GRIK2: variants seen among roughly 807,000 people sequenced by gnomAD.
The protein encoded by GRIK2 is glutamate ionotropic receptor kainate type subunit 2.
A neutral mutation model predicts 100.3 loss-of-function variants in GRIK2; 32 were observed. The observed-to-expected ratio is 0.32, with a 90% CI of 0.24 to 0.43. The LOEUF (loss-of-function observed/expected upper bound fraction) is 0.43, where lower values mean the gene tolerates loss of function less well. Among genes scored for constraint, GRIK2 ranks in the 20% least tolerant of loss-of-function variants. GRIK2 has a pLI of 1.00. For missense variants in GRIK2, 843 were observed against 1,114.9 expected (o/e 0.76, Z 3.47); for synonymous variants, 417 against 389.4 (o/e 1.07, Z -0.83).
At chr6:101,687,404 A>C (rs1344991080) in intron 7 of GRIK2, among the ~76,000 whole-genome samples, 2 of 151,980 alleles carry the variant, frequency 1.3e-5, no homozygotes, top group Non-Finnish European at 2.9e-5. Flanking sequence ...GCTTTTAATG[A>C]GTATTAGTCT....
At chr6:101,816,783 T>A (rs1781659607) in intron 9 of GRIK2, among the ~76,000 whole-genome samples, 1 of 152,092 alleles carries the variant, frequency 6.6e-6, no homozygotes, top group East Asian at 1.9e-4. Context: ...CCCTCCATCC[T>A]TCCCTACCCA....
rs538294459 is a variant in GRIK2 at position 101,502,682 on chromosome 6, T to C, written c.115+103290T>C. 4.6e-5 allele frequency among the ~76,000 whole-genome samples: 7 copies of C among 152,308 alleles called. No individual in the cohort carries two copies. The South Asian group carries it at 1.2e-3, about 27-fold the overall frequency. On this transcript the variant is annotated intron_variant, in intron 2 of 16. Transcript: ENST00000369134. ...AAAGTGATTCCTTTTGGGAAGAGAT[T>C]GATAGGATATCTAGCTGTCAGGTAT...
At chr6:101,729,207 G>T (rs1299818723) in intron 7 of GRIK2, among the ~76,000 whole-genome samples, 1 of 152,010 alleles carries the variant, frequency 6.6e-6, no homozygotes, top group Non-Finnish European at 1.5e-5. Context: ...GCTCATTAAA[G>T]TAAAAACCAT....
chr6:101,781,266 C>T (rs1779076279), intron 7 of GRIK2, among the ~76,000 whole-genome samples: 1 of 152,098 alleles, frequency 6.6e-6, no homozygotes, highest in African/African-American at 2.4e-5. Flanking sequence ...CATTATGAAC[C>T]TCTGAAAGGA....
At chr6:101,864,833 TA>T (rs935252997) in intron 11 of GRIK2, among the ~76,000 whole-genome samples, 48 of 152,300 alleles carry the variant, frequency 3.2e-4, no homozygotes, top group Non-Finnish European at 5.9e-4. Context: ...AAGGGGCATT[TA>T]AAAACAGATT....
chr6:101,617,111 T>C lies in GRIK2; in HGVS notation c.116-4838T>C, dbSNP rs532200845. On this transcript the variant is annotated intron_variant, in intron 2 of 16. Transcript: ENST00000369134. ...ATTGCCTTTATTTTTACTGCTTGTG[T>C]TTTCAAACTTAGAAAGGCCTTAGCA... 2.6e-4 allele frequency among the ~76,000 whole-genome samples: 39 copies of C among 151,844 alleles called. No homozygotes were observed. The East Asian group carries it at 4.5e-3, about 17-fold the overall frequency.
At chr6:101,984,024 CACAG>C (rs1225166474) in intron 14 of GRIK2, among the ~76,000 whole-genome samples, 1 of 151,710 alleles carries the variant, frequency 6.6e-6, no homozygotes, top group African/African-American at 2.4e-5. Context: ...TAAGTAATTT[CACAG>C]ACAGAACAAA....
chr6:101,773,120 A>G (rs1778507786), intron 7 of GRIK2, among the ~76,000 whole-genome samples: 1 of 152,190 alleles, frequency 6.6e-6, no homozygotes, highest in Non-Finnish European at 1.5e-5. Context: ...GCATTTCCTC[A>G]TGGCAATAAA....
chr6:101,532,397 A>G (rs1775484165), intron 2 of GRIK2, among the ~76,000 whole-genome samples: 1 of 151,978 alleles, frequency 6.6e-6, no homozygotes, highest in African/African-American at 2.4e-5. Flanking sequence ...TTGCATGTAC[A>G]TGCCTGTGGA....
intron 7 of GRIK2, among the ~76,000 whole-genome samples, chr6:101,737,750 C>A (rs1176952627): frequency 6.6e-6 from 1 of 152,124 alleles, no homozygotes; most frequent in Non-Finnish European, 1.5e-5. Flanking sequence ...AGCGTTTCAA[C>A]TTTTATTGCT....
intron 14 of GRIK2, among the ~76,000 whole-genome samples, chr6:102,011,555 TCTTTTTTTTTTCTTTCTTTTC>T (rs1287598424): frequency 6.7e-6 from 1 of 149,558 alleles, no homozygotes; most frequent in South Asian, 2.1e-4. Flanking sequence ...ATGAGTTATT[TCTTTTTTTTTTCTTTCTTTTC>T]CTTTTTTTTT....
intron 14 of GRIK2, among the ~76,000 whole-genome samples, chr6:101,935,932 T>G (rs1463501557): frequency 6.6e-6 from 1 of 152,044 alleles, no homozygotes; most frequent in Non-Finnish European, 1.5e-5. Context: ...ATACTTAGGC[T>G]TCTAAGCCAA....
At chr6:101,611,779 G>A in intron 2 of GRIK2, among the ~76,000 whole-genome samples, 1 of 151,714 alleles carries the variant, frequency 6.6e-6, no homozygotes, top group East Asian at 1.9e-4. Context: ...CACCTTTTGG[G>A]AAGCTGTCAC....
At chr6:101,576,040 TATA>T (rs1039449311) in intron 2 of GRIK2, among the ~76,000 whole-genome samples, 1 of 152,058 alleles carries the variant, frequency 6.6e-6, no homozygotes, top group African/African-American at 2.4e-5. Context: ...GGGCATATGA[TATA>T]ATAAACATGT....
At chr6:101,446,021 T>C (rs1325867136) in intron 2 of GRIK2, among the ~76,000 whole-genome samples, 1 of 152,072 alleles carries the variant, frequency 6.6e-6, no homozygotes, top group Admixed American at 6.6e-5. Context: ...TCTCTGCCTG[T>C]GATATCCCTC....
At chr6:101,542,457 G>A (rs1326648441) in intron 2 of GRIK2, among the ~76,000 whole-genome samples, 4 of 142,038 alleles carry the variant, frequency 2.8e-5, no homozygotes, top group South Asian at 4.7e-4. Flanking sequence ...AATAACAGGC[G>A]TATTTAAAGA....
At chr6:101,950,282 T>A (rs1274041380) in intron 14 of GRIK2, among the ~76,000 whole-genome samples, 1 of 152,302 alleles carries the variant, frequency 6.6e-6, no homozygotes, top group Middle Eastern at 3.4e-3. Context: ...TTCTTGTTTT[T>A]TGGACCAATT....
chr6:101,447,892 C>T (rs1409764873), intron 2 of GRIK2, among the ~76,000 whole-genome samples: 1 of 151,636 alleles, frequency 6.6e-6, no homozygotes, highest in Admixed American at 6.6e-5. Context: ...CTTTTGTCAT[C>T]CCGTCTCCTT....
chr6:102,039,245 G>A (rs1342389891), intron 15 of GRIK2, among the ~76,000 whole-genome samples: 2 of 151,462 alleles, frequency 1.3e-5, no homozygotes, highest in Admixed American at 1.3e-4. Flanking sequence ...AAATAGCTTA[G>A]TGGAGCAATC....
Sources: allele counts gnomAD v4.1 joint callset (sites outside exome capture counted in the v4.1 genomes callset), GRCh38; gene constraint gnomAD v4.1.1; transcripts MANE v1.5; gene names NCBI Gene and HGNC (gene_info 2026-07-23, HGNC 2026-07-21).